The following CCDC149 variants were observed in gnomAD, a reference collection of about 807,000 sequenced individuals.
The protein encoded by CCDC149 is coiled-coil domain containing 149.
Under a neutral mutation model 59.9 loss-of-function variants are expected in CCDC149, and 45 were observed. The observed-to-expected ratio is 0.75, with a 90% CI of 0.59 to 0.96. The LOEUF (loss-of-function observed/expected upper bound fraction) is 0.96, where lower values mean the gene tolerates loss of function less well. CCDC149 is among the 40% of genes least tolerant of loss of function. CCDC149 has a pLI of 0.00. For missense variants in CCDC149, 584 were observed against 664.7 expected (o/e 0.88, Z 1.33); for synonymous variants, 245 against 260.6 (o/e 0.94, Z 0.58).
intron 1 of CCDC149, among the ~76,000 whole-genome samples, chr4:24,906,062 G>A (rs978620695): frequency 4.6e-5 from 7 of 152,142 alleles, no homozygotes; most frequent in Non-Finnish European, 8.8e-5. Flanking sequence ...GATGACTCAA[G>A]GAGCAGGGCT....
chr4:24,841,117 A>G (rs1037731656), intron 4 of CCDC149, among the ~76,000 whole-genome samples: 4 of 152,220 alleles, frequency 2.6e-5, no homozygotes, highest in Non-Finnish European at 4.4e-5. Flanking sequence ...ACGACAAGCC[A>G]AACAAAACAA....
At chr4:24,958,408 A>T (rs1329800683) in intron 1 of CCDC149, among the ~76,000 whole-genome samples, 1 of 152,200 alleles carries the variant, frequency 6.6e-6, no homozygotes, top group East Asian at 1.9e-4. Context: ...AAAGTGTCTG[A>T]TTGCTAACAT....
At chr4:24,978,545 G>C (rs1041885313) in intron 1 of CCDC149, among the ~76,000 whole-genome samples, 4 of 152,164 alleles carry the variant, frequency 2.6e-5, no homozygotes, top group Non-Finnish European at 5.9e-5. Flanking sequence ...GTGAATTCTG[G>C]AGGAGTCAGA....
At chr4:24,963,387 C>A (rs987224396) in intron 1 of CCDC149, among the ~76,000 whole-genome samples, 5 of 152,128 alleles carry the variant, frequency 3.3e-5, no homozygotes, top group Non-Finnish European at 7.4e-5. Context: ...CCACCCCCAT[C>A]CAGCAGCAAT....
chr4:24,909,302 C>T (rs1234489584), intron 1 of CCDC149, among the ~76,000 whole-genome samples: 10 of 152,124 alleles, frequency 6.6e-5, no homozygotes, highest in Non-Finnish European at 1.5e-4. Flanking sequence ...CCACGAAAAT[C>T]CCATGTAGTC....
intron 3 of CCDC149, among the ~76,000 whole-genome samples, chr4:24,853,785 T>A (rs1717828284): frequency 6.6e-6 from 1 of 152,178 alleles, no homozygotes; most frequent in African/African-American, 2.4e-5. Context: ...CCTAGAATTT[T>A]GATTACAATT....
chr4:24,978,997 C>T (rs978631481), intron 1 of CCDC149, among the ~76,000 whole-genome samples: 1 of 152,158 alleles, frequency 6.6e-6, no homozygotes, highest in Non-Finnish European at 1.5e-5. Context: ...AGAAGGACTG[C>T]ATGCAAATGG....
chr4:24,833,246 C>T (rs1256522634), intron 8 of CCDC149, among the ~76,000 whole-genome samples: 1 of 150,934 alleles, frequency 6.6e-6, no homozygotes, highest in Non-Finnish European at 1.5e-5. Context: ...AAAAACCCGG[C>T]TTTTTTCACT....
At chr4:24,899,719 C>T (rs1721050807) in intron 1 of CCDC149, among the ~76,000 whole-genome samples, 1 of 152,154 alleles carries the variant, frequency 6.6e-6, no homozygotes, top group Non-Finnish European at 1.5e-5. Context: ...GATCGGTTCC[C>T]TCCCCAATGC....
chr4:24,813,554 AC>A (rs1714810181), intron 12 of CCDC149, among the ~76,000 whole-genome samples: 1 of 147,312 alleles, frequency 6.8e-6, no homozygotes, highest in African/African-American at 2.5e-5. Context: ...ATATAATCTA[AC>A]AAGTTTGAAT....
At chr4:24,974,350 C>T (rs1052666197) in intron 1 of CCDC149, among the ~76,000 whole-genome samples, 6 of 152,200 alleles carry the variant, frequency 3.9e-5, no homozygotes, top group African/African-American at 1.4e-4. Context: ...GCAGAGGAAA[C>T]CCATACTTCT....
intron 1 of CCDC149, among the ~76,000 whole-genome samples, chr4:24,904,332 A>G (rs1227144693): frequency 6.6e-6 from 1 of 152,208 alleles, no homozygotes; most frequent in Non-Finnish European, 1.5e-5. Context: ...ACCCTATACC[A>G]TGTACCCTGT....
chr4:24,926,770 G>A (rs1182235087), intron 1 of CCDC149, among the ~76,000 whole-genome samples: 1 of 152,234 alleles, frequency 6.6e-6, no homozygotes, highest in African/African-American at 2.4e-5. Context: ...AAGGTTGGGA[G>A]TGATTCCCTG....
chr4:24,942,316 T>C (rs1577497343), intron 1 of CCDC149, among the ~76,000 whole-genome samples: 2 of 152,332 alleles, frequency 1.3e-5, no homozygotes, highest in African/African-American at 4.8e-5. Context: ...TCTCAATAGA[T>C]GCACAAAAGG....
chr4:24,980,024 C>G (rs1416842993), intron 1 of CCDC149: 1 of 152,156 alleles, frequency 6.6e-6, no homozygotes, highest in Non-Finnish European at 1.5e-5. Flanking sequence ...GTAATTGTGT[C>G]CATAAATAAC....
At chr4:24,869,474 T>C (rs570262101) in intron 3 of CCDC149, among the ~76,000 whole-genome samples, 1 of 152,310 alleles carries the variant, frequency 6.6e-6, no homozygotes, top group South Asian at 2.1e-4. Context: ...GAACCTGTCT[T>C]TGGAGCAAGC....
At chr4:24,849,149 A>G (rs1244986196) in intron 4 of CCDC149, among the ~76,000 whole-genome samples, 1 of 150,672 alleles carries the variant, frequency 6.6e-6, no homozygotes, top group African/African-American at 2.4e-5. Context: ...AAGCAGGCCA[A>G]CCTCTGCGGC....
intron 1 of CCDC149, among the ~76,000 whole-genome samples, chr4:24,943,213 A>T (rs1281598961): frequency 6.6e-6 from 1 of 152,256 alleles, no homozygotes; most frequent in Non-Finnish European, 1.5e-5. Flanking sequence ...CCGATGGAAC[A>T]GAACAGAGCC....
chr4:24,876,777 C>T, intron 1 of CCDC149, 80 bp from the exon 2 acceptor site: 4 of 1,393,894 alleles, frequency 2.9e-6, no homozygotes, highest in Non-Finnish European at 3.8e-6. Flanking sequence ...TTCACACACC[C>T]TGTGGGGAAT....
Sources: gnomAD v4.1 joint callset for allele counts (sites outside exome capture counted in the v4.1 genomes callset) on GRCh38, gnomAD v4.1.1 for gene constraint, MANE v1.5 for transcripts, NCBI Gene and HGNC (gene_info 2026-07-23, HGNC 2026-07-21) for gene names.